Variants in DGKI observed in about 807,000 individuals in gnomAD.
The protein encoded by DGKI is DAG kinase iota.
A neutral mutation model predicts 147.5 loss-of-function variants in DGKI; 55 were observed. The observed-to-expected ratio is 0.37, with a 90% CI of 0.30 to 0.47. The LOEUF is 0.47. Ranked by LOEUF, DGKI falls within the 20% of genes least tolerant of loss-of-function variation. DGKI has a pLI of 1.00. For synonymous variants in DGKI, 469 were observed against 477.1 expected, an observed-to-expected ratio of 0.98 and a Z score of 0.22; for missense variants, 1,007 against 1,323.8, an observed-to-expected ratio of 0.76 and a Z score of 3.71.
At position 137,391,150 on chromosome 7, in the gene DGKI, G is replaced by C; in HGVS notation, c.*70C>G. On this transcript the variant is annotated 3_prime_UTR_variant, in exon 33 of 33. Transcript: ENST00000614521. Reference sequence around the variant, plus strand: ...ATGAATTCCATCAGCTTCTTCCAGGGGAGCTGCCCAATTGCAGGGAGGGCA... The same window carrying C: ...ATGAATTCCATCAGCTTCTTCCAGGCGAGCTGCCCAATTGCAGGGAGGGCA... 1 of 1,139,510 alleles carries C rather than the reference G, an allele frequency of 8.8e-7. No individual in the cohort carries two copies. Among genetic ancestry groups the C allele is most frequent in the Non-Finnish European group, 1.3e-6 (1 of 749,184 alleles). The allele number at this position is 1,139,510 out of a possible 1,614,324, so 70.6% of individuals were successfully genotyped here.
intron 1 of DGKI, among the ~76,000 whole-genome samples, chr7:137,801,371 G>A (rs1350005561): frequency 6.6e-6 from 1 of 152,194 alleles, no homozygotes; most frequent in East Asian, 1.9e-4. Flanking sequence ...GGAGCAAGGG[G>A]AAATGGATTT....
intron 1 of DGKI, among the ~76,000 whole-genome samples, chr7:137,776,185 A>T (rs761043849): frequency 2.0e-5 from 3 of 152,240 alleles, no homozygotes; most frequent in Non-Finnish European, 2.9e-5. Context: ...TGAAAGAAGC[A>T]AGTGGCAGTA....
At position 137,708,806 on chromosome 7, in the gene DGKI, G is replaced by A. The variant is rs1010578560; in HGVS notation, c.402-18804C>T. Among the ~76,000 whole-genome samples the A allele has an allele frequency of 3.9e-5, 6 of 152,210 alleles. No homozygotes were observed. In the South Asian group the frequency reaches 1.0e-3, roughly 26 times the overall value. Reference sequence around the variant, plus strand: ...GATGGGAATAAGTGGTAGAAAATGGGAATGATGTTGATAGGGAAAGGCTAC... The same window carrying A: ...GATGGGAATAAGTGGTAGAAAATGGAAATGATGTTGATAGGGAAAGGCTAC... On this transcript the variant is annotated intron_variant, in intron 1 of 32. Coordinates refer to ENST00000614521, the MANE Select transcript of DGKI (RefSeq NM_001321708.2).
chr7:137,519,021 T>C (rs969036474), intron 21 of DGKI, among the ~76,000 whole-genome samples: 3 of 152,034 alleles, frequency 2.0e-5, no homozygotes, highest in African/African-American at 7.2e-5. Context: ...AACTATTATC[T>C]GAGGGTTGAT....
chr7:137,405,658 A>T (rs1382822911), intron 30 of DGKI, among the ~76,000 whole-genome samples: 9 of 152,166 alleles, frequency 5.9e-5, no homozygotes, highest in South Asian at 2.1e-4. Context: ...GTTTTAGCCA[A>T]TAGAATGCAG....
intron 21 of DGKI, among the ~76,000 whole-genome samples, chr7:137,492,746 C>T (rs1187567467): frequency 1.3e-5 from 2 of 152,166 alleles, no homozygotes; most frequent in East Asian, 3.9e-4. Context: ...AAACTTTAGC[C>T]TTAGGCAAAC....
chr7:137,492,585 C>A (rs988201511), intron 21 of DGKI, among the ~76,000 whole-genome samples: 10 of 152,140 alleles, frequency 6.6e-5, no homozygotes, highest in African/African-American at 2.4e-4. Flanking sequence ...AAGACCCCCA[C>A]AGAAACTTAA....
At chr7:137,797,064 G>T (rs1375762040) in intron 1 of DGKI, among the ~76,000 whole-genome samples, 2 of 152,114 alleles carry the variant, frequency 1.3e-5, no homozygotes, top group African/African-American at 2.4e-5. Flanking sequence ...ATCAGCAAGA[G>T]AAAAATAATA....
intron 1 of DGKI, among the ~76,000 whole-genome samples, chr7:137,744,109 G>T (rs890350716): frequency 2.0e-5 from 3 of 151,920 alleles, no homozygotes; most frequent in East Asian, 1.9e-4. Context: ...CAGATAATTG[G>T]TTCTTTGAAA....
At chr7:137,393,375 C>T (rs991916185) in intron 32 of DGKI, among the ~76,000 whole-genome samples, 2 of 152,080 alleles carry the variant, frequency 1.3e-5, no homozygotes, top group Non-Finnish European at 2.9e-5. Flanking sequence ...TTTGGTTTGT[C>T]CCTCTTTTTC....
intron 19 of DGKI, among the ~76,000 whole-genome samples, chr7:137,558,280 ATT>A (rs199670320): frequency 6.6e-6 from 1 of 151,216 alleles, no homozygotes; most frequent in African/African-American, 2.4e-5. Flanking sequence ...TTATTATTTT[ATT>A]TATTTATTTA....
chr7:137,497,206 G>C (rs1173510237), intron 21 of DGKI, among the ~76,000 whole-genome samples: 1 of 151,606 alleles, frequency 6.6e-6, no homozygotes, highest in Non-Finnish European at 1.5e-5. Context: ...CAACATCACT[G>C]ATCATTAGAG....
At chr7:137,649,250 T>C (rs1821938563) in intron 5 of DGKI, among the ~76,000 whole-genome samples, 4 of 152,190 alleles carry the variant, frequency 2.6e-5, no homozygotes, top group African/African-American at 9.7e-5. Flanking sequence ...AAAGTTACTA[T>C]AGAATCATTT....
At chr7:137,773,715 A>G (rs1430498545) in intron 1 of DGKI, among the ~76,000 whole-genome samples, 1 of 152,056 alleles carries the variant, frequency 6.6e-6, no homozygotes, top group Non-Finnish European at 1.5e-5. Flanking sequence ...TAACCAAAAT[A>G]CAAAAAAAAA....
rs928190491 is a variant in DGKI, at chr7:137,457,893, T to G, written c.2735+5596A>C. 2.6e-5 allele frequency among the ~76,000 whole-genome samples: 4 copies of G among 152,190 alleles called. No individual in the cohort carries two copies. The East Asian group carries it at 7.7e-4, about 29-fold the overall frequency. ...ACATTTTCGTTAATTCTTTAAATAT[T>G]CATCATTTCTAGGGTCAAAAAAGTT... On this transcript the variant is annotated intron_variant, in intron 27 of 32. Coordinates refer to ENST00000614521, the MANE Select transcript of DGKI (RefSeq NM_001321708.2).
intron 1 of DGKI, among the ~76,000 whole-genome samples, chr7:137,729,448 A>AG (rs1206137797): frequency 6.6e-6 from 1 of 152,186 alleles, no homozygotes; most frequent in Non-Finnish European, 1.5e-5. Flanking sequence ...AAAGTCTCCT[A>AG]GCAAAGAGAC....
At chr7:137,491,188 C>T (rs1350594992) in intron 21 of DGKI, among the ~76,000 whole-genome samples, 1 of 152,126 alleles carries the variant, frequency 6.6e-6, no homozygotes, top group African/African-American at 2.4e-5. Context: ...GCCTCAGGAG[C>T]TGAGGTTAAA....
intron 12 of DGKI, among the ~76,000 whole-genome samples, chr7:137,596,233 T>C (rs150326155): frequency 2.2e-4 from 33 of 152,122 alleles, no homozygotes; most frequent in South Asian, 1.2e-3. Context: ...AACTTATCTG[T>C]TTTTGTCACT....
chr7:137,804,676 C>CAGGAA (rs1238139262), intron 1 of DGKI, among the ~76,000 whole-genome samples: 2 of 152,046 alleles, frequency 1.3e-5, no homozygotes, highest in African/African-American at 2.4e-5. Flanking sequence ...TGGATGGGCA[C>CAGGAA]AGGAAAGGAA....
Sources: allele counts gnomAD v4.1 joint callset (sites outside exome capture counted in the v4.1 genomes callset), GRCh38; gene constraint gnomAD v4.1.1; transcripts MANE v1.5; gene names NCBI Gene and HGNC (gene_info 2026-07-23, HGNC 2026-07-21).